Variants in C13orf42 observed in about 807,000 individuals in gnomAD.
C13orf42 encodes uncharacterized protein C13orf42.
intron 1 of C13orf42, among the ~76,000 whole-genome samples, chr13:51,090,653 CAGTCCTA>C (rs940703337): frequency 6.6e-6 from 1 of 152,128 alleles, no homozygotes; most frequent in Non-Finnish European, 1.5e-5. Context: ...TTAAGTGATT[CAGTCCTA>C]AGTGTCTCTG....
chr13:51,083,256 G>T lies in C13orf42; in HGVS notation c.*895C>A, dbSNP rs1953084257. 6.6e-6 allele frequency: 1 copy of T among 152,142 alleles called. No individual in the cohort carries two copies. The highest frequency in any genetic ancestry group is 1.5e-5 in the Non-Finnish European group (1 of 68,012). The allele number at this position is 152,142 out of a possible 1,614,324, so 9.4% of individuals were successfully genotyped here. ...TGTAAAAAGTATTTAGAAATACAAA[G>T]AATATATTTTAAATGTAATTCTGAT... On this transcript the variant is annotated 3_prime_UTR_variant, in exon 4 of 4. Transcript: ENST00000563710.
At chr13:51,161,510 C>CT (rs1953864127) in intron 1 of C13orf42, among the ~76,000 whole-genome samples, 1 of 152,146 alleles carries the variant, frequency 6.6e-6, no homozygotes, top group South Asian at 2.1e-4. Context: ...CTATCAGGCT[C>CT]TTACACTCGA....
chr13:51,125,696 C>G (rs1362351850), intron 1 of C13orf42, among the ~76,000 whole-genome samples: 3 of 152,190 alleles, frequency 2.0e-5, no homozygotes, highest in Non-Finnish European at 2.9e-5. Context: ...TCTACAGCAC[C>G]TAGGCTTATC....
At chr13:51,137,389 C>T (rs1032592311) in intron 1 of C13orf42, among the ~76,000 whole-genome samples, 7 of 152,178 alleles carry the variant, frequency 4.6e-5, no homozygotes, top group Non-Finnish European at 1.5e-5. Flanking sequence ...TCTGTGGGTT[C>T]CCAGGTCCTG....
upstream of C13orf42, among the ~76,000 whole-genome samples, chr13:51,115,910 G>C (rs1330580705): frequency 6.6e-6 from 1 of 152,122 alleles, no homozygotes; most frequent in African/African-American, 2.4e-5. Context: ...CAGACAGCAA[G>C]GTCCTGTGCT....
intron 1 of C13orf42, among the ~76,000 whole-genome samples, 186 bp downstream of exon 1, chr13:51,110,610 C>T (rs1055484471): frequency 3.9e-5 from 6 of 152,200 alleles, no homozygotes; most frequent in African/African-American, 1.4e-4. Context: ...GAGTAATAAA[C>T]ATGGGCTTAG....
Position 51,119,622 on chromosome 13 carries a change from A to C in C13orf42, n.137-6400T>G, listed in dbSNP as rs1000655118. Among the ~76,000 whole-genome samples the C allele has an allele frequency of 2.6e-5, 4 of 152,366 alleles. No homozygotes were observed. In the South Asian group the frequency reaches 8.3e-4, roughly 32 times the overall value. Reference sequence around the variant, plus strand: ...ACCCTACAGCATGGATAAGCCTTGAAGACATGATGCGACGTGAAATAAGAC... The same window carrying C: ...ACCCTACAGCATGGATAAGCCTTGACGACATGATGCGACGTGAAATAAGAC... On this transcript the variant is annotated intron_variant and non_coding_transcript_variant, in intron 1 of 4. Coordinates refer to the C13orf42 transcript ENST00000433280.
intron 1 of C13orf42, among the ~76,000 whole-genome samples, chr13:51,150,509 AT>A (rs1566139777): frequency 6.6e-6 from 1 of 152,184 alleles, no homozygotes; most frequent in Non-Finnish European, 1.5e-5. Flanking sequence ...CAACCAAAAC[AT>A]ATATATTCAG....
chr13:51,149,372 G>A (rs1953762701), intron 1 of C13orf42, among the ~76,000 whole-genome samples: 1 of 150,716 alleles, frequency 6.6e-6, no homozygotes, highest in Non-Finnish European at 1.5e-5. Context: ...ATTAGCAAAG[G>A]TGATAAAGGG....
At chr13:51,148,720 G>T (rs1252183278) in intron 1 of C13orf42, among the ~76,000 whole-genome samples, 1 of 152,214 alleles carries the variant, frequency 6.6e-6, no homozygotes, top group Non-Finnish European at 1.5e-5. Context: ...GGAAAAGGAA[G>T]AACAAACCCC....
chr13:51,141,140 A>G (rs76081612), intron 1 of C13orf42, among the ~76,000 whole-genome samples: 1,817 of 48,290 alleles, frequency 0.038, 32 homozygotes, highest in African/African-American at 0.09. Context: ...GTGTGTGTGT[A>G]TGCATGTTTG....
At chr13:51,100,312 T>G (rs1376302331) in intron 1 of C13orf42, among the ~76,000 whole-genome samples, 2 of 152,112 alleles carry the variant, frequency 1.3e-5, no homozygotes, top group African/African-American at 4.8e-5. Flanking sequence ...AAATAAGTAG[T>G]ATCTGCACAT....
At chr13:51,132,312 A>G (rs1459497176) in intron 1 of C13orf42, among the ~76,000 whole-genome samples, 1 of 152,058 alleles carries the variant, frequency 6.6e-6, no homozygotes, top group East Asian at 1.9e-4. Context: ...GTGGTGGCGT[A>G]ATCCTAGCTA....
chr13:51,134,918 G>T (rs75751293), intron 1 of C13orf42, among the ~76,000 whole-genome samples: 2 of 152,216 alleles, frequency 1.3e-5, no homozygotes, highest in African/African-American at 4.8e-5. Flanking sequence ...GCCACCAGCC[G>T]CAGCGGGGTA....
chr13:51,157,407 C>A (rs1338073120), intron 1 of C13orf42, among the ~76,000 whole-genome samples: 2 of 151,990 alleles, frequency 1.3e-5, no homozygotes, highest in Non-Finnish European at 2.9e-5. Flanking sequence ...GCACTCCAGC[C>A]TGGGCGACAG....
chr13:51,141,848 G>C (rs1013468400), intron 1 of C13orf42, among the ~76,000 whole-genome samples: 74 of 152,174 alleles, frequency 4.9e-4, no homozygotes, highest in African/African-American at 1.8e-3. Context: ...TTAGTCAAAT[G>C]CTTTTTCAAG....
chr13:51,086,807 A>AG (rs1252313453), intron 2 of C13orf42, among the ~76,000 whole-genome samples: 1 of 152,064 alleles, frequency 6.6e-6, no homozygotes, highest in Non-Finnish European at 1.5e-5. Context: ...CCTCACTCCC[A>AG]GGGGCAGGGC....
intron 1 of C13orf42, among the ~76,000 whole-genome samples, chr13:51,157,518 T>G (rs1182563206): frequency 6.6e-6 from 1 of 152,240 alleles, no homozygotes; most frequent in Non-Finnish European, 1.5e-5. Flanking sequence ...TTCTATTGCC[T>G]TAGGTTCATT....
intron 1 of C13orf42, chr13:51,162,091 A>AC: frequency 3.0e-6 from 1 of 334,538 alleles, no homozygotes; most frequent in Admixed American, 3.3e-5. Flanking sequence ...CGTATTTTGG[A>AC]AGTTCGTGTG....
Sources: allele counts gnomAD v4.1 joint callset (sites outside exome capture counted in the v4.1 genomes callset), GRCh38; gene constraint gnomAD v4.1.1; transcripts MANE v1.5; gene names NCBI Gene and HGNC (gene_info 2026-07-23, HGNC 2026-07-21).